CDK6: variants seen among roughly 807,000 people sequenced by gnomAD.
The protein encoded by CDK6 is cyclin dependent kinase 6.
A neutral mutation model predicts 37.1 loss-of-function variants in CDK6; 6 were observed. That is an observed-to-expected ratio of 0.16 (90% CI 0.09 to 0.32). The LOEUF is 0.32. Among genes scored for constraint, CDK6 ranks in the 10% least tolerant of loss-of-function variants. The probability of loss-of-function intolerance (pLI) is 1.00; values close to 1 mark genes in which losing one functional copy is unlikely to be tolerated. For missense variants in CDK6, 224 were observed against 418.9 expected (o/e 0.53, Z 4.06); for synonymous variants, 160 against 161.3 (o/e 0.99, Z 0.06).
intron 3 of CDK6, among the ~76,000 whole-genome samples, chr7:92,743,463 C>A (rs1798981480): frequency 1.3e-5 from 2 of 151,060 alleles, no homozygotes; most frequent in Admixed American, 1.3e-4. Context: ...AAAAGACACA[C>A]AAGAGCGAAA....
rs1179187752 is a variant in CDK6 at position 92,615,384 on chromosome 7, G to C, written c.835-98C>G. 6 of 958,204 alleles carry C rather than the reference G, an allele frequency of 6.3e-6. No homozygotes were observed. In the Admixed American group the frequency reaches 1.3e-4, roughly 20 times the overall value. 59.4% of individuals were successfully genotyped at this position (958,204 alleles called of 1,614,324 possible). A position where few individuals can be genotyped will look rare whatever the true frequency, so the allele number is the denominator to read the frequency against. On this transcript the variant is annotated intron_variant, in intron 7 of 7. Transcript: ENST00000424848. ...CTTTATTCACTGTCATATGTTAAGC[G>C]CATCTACAGTGGGAATGAGTATTTA...
rs1018726306 is a variant in CDK6 at position 92,614,752 on chromosome 7, C to T, written c.*388G>A. 3 of 294,116 alleles carry T rather than the reference C, an allele frequency of 1.0e-5. No homozygotes were observed. Among genetic ancestry groups the T allele is most frequent in the African/African-American group, 2.1e-5 (1 of 47,698 alleles). The allele number at this position is 294,116 out of a possible 1,614,324, so 18.2% of individuals were successfully genotyped here. A position where few individuals can be genotyped will look rare whatever the true frequency, so the allele number is the denominator to read the frequency against. Reference sequence around the variant, plus strand: ...ACATGCACACACACACTCAAAAGTACCAAATCAGGCCCGGCAGCTGCAGAG... The same window carrying T: ...ACATGCACACACACACTCAAAAGTATCAAATCAGGCCCGGCAGCTGCAGAG... On this transcript the variant is annotated 3_prime_UTR_variant, in exon 8 of 8. Transcript: ENST00000424848.
intron 3 of CDK6, among the ~76,000 whole-genome samples, chr7:92,753,490 CTTAT>C (rs1045192823): frequency 6.6e-6 from 1 of 151,618 alleles, no homozygotes; most frequent in South Asian, 2.1e-4. Flanking sequence ...AGAAGATTAT[CTTAT>C]TTATTTATTT....
intron 2 of CDK6, among the ~76,000 whole-genome samples, chr7:92,830,675 T>A (rs111869007): frequency 3.0e-4 from 45 of 152,258 alleles, no homozygotes; most frequent in African/African-American, 7.7e-4. Context: ...TGGGGACCAA[T>A]GGTTGTTTCA....
intron 5 of CDK6, among the ~76,000 whole-genome samples, chr7:92,656,936 C>A (rs1375647202): frequency 6.6e-6 from 1 of 152,126 alleles, no homozygotes; most frequent in Non-Finnish European, 1.5e-5. Context: ...GCAGGCCTTG[C>A]CAGGTTTCCC....
chr7:92,698,731 T>C (rs1797776166), intron 4 of CDK6, among the ~76,000 whole-genome samples: 1 of 152,158 alleles, frequency 6.6e-6, no homozygotes, highest in Non-Finnish European at 1.5e-5. Context: ...GTTCCCAGAG[T>C]CTGTCACGCA....
At chr7:92,832,073 G>C (rs1383217245) in intron 2 of CDK6, among the ~76,000 whole-genome samples, 1 of 152,194 alleles carries the variant, frequency 6.6e-6, no homozygotes, top group Non-Finnish European at 1.5e-5. Flanking sequence ...ATTTTCTCAA[G>C]ATCGAGAAAG....
At chr7:92,758,255 T>C (rs1019405765) in intron 3 of CDK6, among the ~76,000 whole-genome samples, 1 of 152,220 alleles carries the variant, frequency 6.6e-6, no homozygotes, top group African/African-American at 2.4e-5. Flanking sequence ...CCAGGGTTTT[T>C]ATAGTTTTGG....
chr7:92,752,379 T>C (rs1799209404), intron 3 of CDK6, among the ~76,000 whole-genome samples: 2 of 152,200 alleles, frequency 1.3e-5, no homozygotes. Flanking sequence ...GGCTTGTGTC[T>C]ACATGAGACA....
At chr7:92,692,109 A>G (rs1198006488) in intron 4 of CDK6, among the ~76,000 whole-genome samples, 1 of 152,094 alleles carries the variant, frequency 6.6e-6, no homozygotes, top group East Asian at 1.9e-4. Flanking sequence ...CTCTATTAAA[A>G]TACAAAATTA....
intron 3 of CDK6, among the ~76,000 whole-genome samples, chr7:92,727,186 T>C (rs934500153): frequency 2.7e-4 from 41 of 152,270 alleles, no homozygotes; most frequent in African/African-American, 9.4e-4. Context: ...ATTATAAGAA[T>C]GGTGTATACA....
intron 2 of CDK6, among the ~76,000 whole-genome samples, chr7:92,791,536 T>C (rs1800281701): frequency 6.6e-6 from 1 of 152,126 alleles, no homozygotes; most frequent in Admixed American, 6.6e-5. Context: ...AGGTAGAATA[T>C]AGGAGAAGTC....
At chr7:92,756,327 C>G (rs911227039) in intron 3 of CDK6, among the ~76,000 whole-genome samples, 2 of 152,092 alleles carry the variant, frequency 1.3e-5, no homozygotes, top group Non-Finnish European at 2.9e-5. Context: ...TTCAAAAAGG[C>G]ACAACAAACA....
At chr7:92,641,016 CA>C (rs1219630249) in intron 5 of CDK6, among the ~76,000 whole-genome samples, 1 of 151,866 alleles carries the variant, frequency 6.6e-6, no homozygotes. Flanking sequence ...AAGCAGATTA[CA>C]AAAAAGCATG....
At chr7:92,830,201 G>C (rs770120959) in intron 2 of CDK6, among the ~76,000 whole-genome samples, 8 of 152,186 alleles carry the variant, frequency 5.3e-5, no homozygotes, top group Non-Finnish European at 8.8e-5. Flanking sequence ...TGGCTGATCA[G>C]GCGAGGGCCT....
chr7:92,734,421 C>T (rs1164148320), intron 3 of CDK6, among the ~76,000 whole-genome samples: 3 of 152,202 alleles, frequency 2.0e-5, no homozygotes, highest in African/African-American at 7.2e-5. Flanking sequence ...CAAAGCCCAC[C>T]TAGCTCTCTG....
At chr7:92,733,513 C>CT (rs1208378759) in intron 3 of CDK6, among the ~76,000 whole-genome samples, 1 of 152,158 alleles carries the variant, frequency 6.6e-6, no homozygotes, top group Admixed American at 6.5e-5. Context: ...TTGTAACTGT[C>CT]TTTTTCACAT....
intron 5 of CDK6, among the ~76,000 whole-genome samples, chr7:92,651,315 C>T (rs1796568863): frequency 6.6e-6 from 1 of 152,170 alleles, no homozygotes; most frequent in Admixed American, 6.5e-5. Context: ...TGTAATGTAA[C>T]AAATTCATAG....
intron 6 of CDK6, among the ~76,000 whole-genome samples, chr7:92,620,711 C>T (rs542922020): frequency 6.6e-6 from 1 of 152,108 alleles, no homozygotes; most frequent in South Asian, 2.1e-4. Flanking sequence ...AGTTCAAGAC[C>T]AGCCTGGGCA....
Sources: allele counts gnomAD v4.1 joint callset (sites outside exome capture counted in the v4.1 genomes callset), GRCh38; gene constraint gnomAD v4.1.1; transcripts MANE v1.5; gene names NCBI Gene and HGNC (gene_info 2026-07-23, HGNC 2026-07-21).